Variants in THSD4 observed in about 807,000 individuals in gnomAD.
The protein encoded by THSD4 is thrombospondin type 1 domain containing 4.
THSD4 carries 69 observed loss-of-function variants against 119.0 expected under a neutral mutation model. The ratio of observed to expected loss-of-function variants is 0.58; its 90% CI spans 0.48 to 0.71. The LOEUF is 0.71. Ranked by LOEUF, THSD4 falls within the 30% of genes least tolerant of loss-of-function variation. The probability of loss-of-function intolerance (pLI) is 0.00; values close to 1 mark genes in which losing one functional copy is unlikely to be tolerated. For synonymous variants in THSD4, 524 were observed against 540.4 expected (o/e 0.97, Z 0.42); for missense variants, 1,393 against 1,391.1 (o/e 1.00, Z -0.02).
At chr15:71,213,583 C>T (rs1264280212) in intron 3 of THSD4, among the ~76,000 whole-genome samples, 1 of 152,188 alleles carries the variant, frequency 6.6e-6, no homozygotes, top group Non-Finnish European at 1.5e-5. Flanking sequence ...TCTTCTGGGC[C>T]TGGCTCAGCA....
intron 6 of THSD4, among the ~76,000 whole-genome samples, chr15:71,395,945 A>G (rs1596398750): frequency 6.7e-6 from 1 of 150,230 alleles, no homozygotes; most frequent in Admixed American, 6.6e-5. Flanking sequence ...ACACACACAC[A>G]CACACACAAA....
Position 71,777,839 on chromosome 15 carries a change from C to T in THSD4, c.*465C>T, listed in dbSNP as rs544587055. 3 of 178,830 alleles carry T rather than the reference C, an allele frequency of 1.7e-5. No individual in the cohort carries two copies. The highest frequency in any genetic ancestry group is 1.6e-4 in the Admixed American group (3 of 18,684). 11.1% of individuals were successfully genotyped at this position (178,830 alleles called of 1,614,324 possible). ...CTAAGCCTTGCTGACACGCGTGCAT[C>T]CCTCTGTGACCTCAGCCCAGATGTG... is the stretch of plus-strand genomic sequence containing the variant. On this transcript the variant is annotated 3_prime_UTR_variant, in exon 18 of 18. Coordinates refer to ENST00000261862, the MANE Select transcript of THSD4 (RefSeq NM_024817.3).
chr15:71,410,350 C>T (rs533399074), intron 6 of THSD4, among the ~76,000 whole-genome samples: 12 of 152,264 alleles, frequency 7.9e-5, no homozygotes, highest in African/African-American at 2.6e-4. Flanking sequence ...CCACATCAAC[C>T]TGAGAGGGGG....
intron 1 of THSD4, among the ~76,000 whole-genome samples, chr15:71,129,317 T>A (rs1233316934): frequency 1.3e-5 from 2 of 152,182 alleles, no homozygotes; most frequent in African/African-American, 4.8e-5. Context: ...TAAGAGTATT[T>A]CTCCAGAGTA....
At chr15:71,542,854 G>T (rs1316911318) in intron 7 of THSD4, among the ~76,000 whole-genome samples, 1 of 149,824 alleles carries the variant, frequency 6.7e-6, no homozygotes, top group Non-Finnish European at 1.5e-5. Context: ...TCCAGCCTGG[G>T]CAACAGAGCA....
chr15:71,622,945 G>T (rs1035398385), intron 7 of THSD4, among the ~76,000 whole-genome samples: 2 of 152,108 alleles, frequency 1.3e-5, no homozygotes, highest in African/African-American at 2.4e-5. Context: ...GAAAATAAGA[G>T]CAAGCCAGAG....
chr15:71,552,199 C>T (rs1000641863), intron 7 of THSD4, among the ~76,000 whole-genome samples: 9 of 152,130 alleles, frequency 5.9e-5, no homozygotes, highest in South Asian at 2.1e-4. Context: ...TCAGTCAGCT[C>T]GATCCTGAGA....
At chr15:71,136,392 T>C (rs1003192565) in intron 1 of THSD4, among the ~76,000 whole-genome samples, 5 of 151,936 alleles carry the variant, frequency 3.3e-5, no homozygotes, top group African/African-American at 7.3e-5. Context: ...GGAGAGCATA[T>C]TGGTGATGTT....
intron 4 of THSD4, among the ~76,000 whole-genome samples, chr15:71,225,528 A>G (rs1376369239): frequency 7.4e-6 from 1 of 134,550 alleles, no homozygotes; most frequent in Non-Finnish European, 1.6e-5. Context: ...TCTCAAACAC[A>G]TTTTCTTTTT....
rs779207517 is a variant in THSD4 at position 71,277,128 on chromosome 15, C to CTTTTTTTTTTTTTTTTTTTTT, written c.1015+20427_1015+20428insTTTTTTTTTTTTTTTTTTTTT. 1.6e-3 allele frequency among the ~76,000 whole-genome samples: 199 copies of CTTTTTTTTTTTTTTTTTTTTT among 122,950 alleles called. 11 individuals carry two copies. The highest frequency in any genetic ancestry group is 3.5e-3 in the African/African-American group (105 of 29,728). The allele number at this position is 122,950 out of a possible 152,430, so 80.7% of individuals were successfully genotyped here. Reference sequence around the variant, plus strand: ...TATTTGTATTTGAATTCTTCTTCTTCTTTTTTTTTTTTTTGAAACGGAGTT... The same window carrying CTTTTTTTTTTTTTTTTTTTTT: ...TATTTGTATTTGAATTCTTCTTCTTCTTTTTTTTTTTTTTTTTTTTTTTTTTTTTTTTTTTGAAACGGAGTT... On this transcript the variant is annotated intron_variant, in intron 6 of 17. Transcript: ENST00000261862.
intron 5 of THSD4, among the ~76,000 whole-genome samples, chr15:71,248,051 T>C (rs2044222497): frequency 1.3e-5 from 2 of 152,094 alleles, no homozygotes; most frequent in African/African-American, 2.4e-5. Context: ...GGTGGGAGGA[T>C]TGCTTGAGGC....
intron 7 of THSD4, among the ~76,000 whole-genome samples, chr15:71,624,448 GT>G (rs1443815440): frequency 2.0e-5 from 3 of 152,202 alleles, no homozygotes; most frequent in Non-Finnish European, 2.9e-5. Context: ...TGTAAAAGTA[GT>G]TTTTGGTGGG....
At chr15:71,454,316 A>T (rs2047307428) in intron 7 of THSD4, among the ~76,000 whole-genome samples, 1 of 152,182 alleles carries the variant, frequency 6.6e-6, no homozygotes, top group African/African-American at 2.4e-5. Context: ...CTAGGAAAGA[A>T]TTTTTTTCTT....
At chr15:71,241,742 G>A (rs751022576) in intron 4 of THSD4, among the ~76,000 whole-genome samples, 9 of 151,962 alleles carry the variant, frequency 5.9e-5, no homozygotes, top group South Asian at 2.1e-4. Flanking sequence ...CACGTCCCCC[G>A]CCCCACCCCA....
intron 7 of THSD4, among the ~76,000 whole-genome samples, chr15:71,514,393 G>T (rs1372582110): frequency 6.6e-6 from 1 of 152,186 alleles, no homozygotes; most frequent in African/African-American, 2.4e-5. Flanking sequence ...GAGCCTGCCA[G>T]TAGAGAAGGT....
intron 6 of THSD4, among the ~76,000 whole-genome samples, chr15:71,310,114 G>T (rs1460180810): frequency 6.6e-6 from 1 of 152,146 alleles, no homozygotes; most frequent in Admixed American, 6.5e-5. Context: ...CGTGGTCCTT[G>T]GTACCCTGCC....
At chr15:71,509,656 G>A (rs1257622622) in intron 7 of THSD4, among the ~76,000 whole-genome samples, 1 of 152,144 alleles carries the variant, frequency 6.6e-6, no homozygotes, top group Admixed American at 6.5e-5. Flanking sequence ...ATATTTTATT[G>A]GCTGCTTTCA....
intron 7 of THSD4, among the ~76,000 whole-genome samples, chr15:71,576,138 A>C (rs577922252): frequency 1.9e-3 from 287 of 152,328 alleles, no homozygotes; most frequent in Non-Finnish European, 2.9e-3. Flanking sequence ...ACTTGACAAT[A>C]AAAAGTGGAC....
At chr15:71,746,135 C>T (rs1053524118) in intron 12 of THSD4, among the ~76,000 whole-genome samples, 3 of 151,928 alleles carry the variant, frequency 2.0e-5, no homozygotes, top group African/African-American at 7.3e-5. Context: ...AAAACTGATA[C>T]GGGAATTGTT....
Sources: allele counts gnomAD v4.1 joint callset (sites outside exome capture counted in the v4.1 genomes callset), GRCh38; gene constraint gnomAD v4.1.1; transcripts MANE v1.5; gene names NCBI Gene and HGNC (gene_info 2026-07-23, HGNC 2026-07-21).